Variants in SLC36A1 observed in about 807,000 individuals in gnomAD.
SLC36A1 encodes the protein proton-coupled amino acid transporter 1.
In SLC36A1, 30 loss-of-function variants were observed where a neutral mutation model predicts 47.5. That is an observed-to-expected ratio of 0.63 (90% CI 0.47 to 0.86). The LOEUF (loss-of-function observed/expected upper bound fraction) is 0.86. Ranked by LOEUF, SLC36A1 falls within the 40% of genes least tolerant of loss-of-function variation. The pLI, the probability that SLC36A1 is intolerant of heterozygous loss-of-function variation, is 0.00. For synonymous variants in SLC36A1, 255 were observed against 249.7 expected, an observed-to-expected ratio of 1.02 and a Z score of -0.20; for missense variants, 517 against 606.0, an observed-to-expected ratio of 0.85 and a Z score of 1.54.
intron 1 of SLC36A1, among the ~76,000 whole-genome samples, chr5:151,440,660 C>A (rs1683351419): frequency 6.6e-6 from 1 of 152,134 alleles, no homozygotes; most frequent in Admixed American, 6.5e-5. Flanking sequence ...AGCAGCATAA[C>A]CCCTCATGTT....
chr5:151,400,309 G>A, the SLC36A1 span, among the ~76,000 whole-genome samples: 1 of 152,176 alleles, frequency 6.6e-6, no homozygotes, highest in African/African-American at 2.4e-5. Flanking sequence ...GCCTCCAGCT[G>A]CATCCATGTT....
chr5:151,452,095 C>A (rs531259151), intron 1 of SLC36A1, among the ~76,000 whole-genome samples: 1 of 152,238 alleles, frequency 6.6e-6, no homozygotes, highest in African/African-American at 2.4e-5. Context: ...TAAAAGTGTG[C>A]GTGTTTGCCT....
intron 10 of SLC36A1, chr5:151,480,046 C>G (rs1422307256): frequency 2.1e-6 from 3 of 1,428,142 alleles, no homozygotes; most frequent in Admixed American, 2.2e-5. Context: ...TTCTCTCAAC[C>G]CCATTCCCAG....
At chr5:151,546,471 G>C in the SLC36A1 span, 1 of 621,552 alleles carries the variant, frequency 1.6e-6, no homozygotes, top group Non-Finnish European at 2.8e-6. Flanking sequence ...ACCCACCCTG[G>C]ATATAGTGTA....
At chr5:151,525,287 A>G in the SLC36A1 span, among the ~76,000 whole-genome samples, 1 of 152,182 alleles carries the variant, frequency 6.6e-6, no homozygotes, top group African/African-American at 2.4e-5. Flanking sequence ...GAAACCCATA[A>G]CACCACCACC....
intron 10 of SLC36A1, among the ~76,000 whole-genome samples, chr5:151,484,576 C>T (rs979552881): frequency 3.9e-5 from 6 of 152,194 alleles, no homozygotes; most frequent in Non-Finnish European, 7.3e-5. Flanking sequence ...AGACTTCAGA[C>T]ATCACCCAGT....
intron 1 of SLC36A1, among the ~76,000 whole-genome samples, chr5:151,450,462 G>A (rs1210967452): frequency 6.7e-6 from 1 of 150,198 alleles, no homozygotes; most frequent in African/African-American, 2.5e-5. Context: ...AGTGGATGGA[G>A]CAGATGTCCA....
At chr5:151,438,763 C>T (rs1329603330) in intron 1 of SLC36A1, among the ~76,000 whole-genome samples, 1 of 152,184 alleles carries the variant, frequency 6.6e-6, no homozygotes, top group Non-Finnish European at 1.5e-5. Flanking sequence ...GCACCAGAGA[C>T]CTGGCATTGG....
chr5:151,546,744 G>A, the SLC36A1 span, among the ~76,000 whole-genome samples: 1 of 151,766 alleles, frequency 6.6e-6, no homozygotes, highest in African/African-American at 2.4e-5. Flanking sequence ...TTTAGAGTCA[G>A]GGTCTTTCCT....
Position 151,477,770 on chromosome 5 carries a change from G to C in SLC36A1, c.989+1014G>C, listed in dbSNP as rs536848023. On this transcript the variant is annotated intron_variant, in intron 9 of 10. Transcript: ENST00000243389. ...TTTCCAAATGTTTCTGCCCTTCCAA[G>C]AAGGAAGAGGCAGGTGGTAGCTTGG... Among the ~76,000 whole-genome samples the C allele has an allele frequency of 3.9e-5, 6 of 152,256 alleles. No individual in the cohort carries two copies. In the East Asian group the frequency reaches 1.2e-3, roughly 29 times the overall value.
At chr5:151,512,969 C>A in the SLC36A1 span, among the ~76,000 whole-genome samples, 1 of 152,232 alleles carries the variant, frequency 6.6e-6, no homozygotes, top group East Asian at 1.9e-4. The surrounding 1 kb of genome is among the most constrained non-coding windows in gnomAD (Gnocchi z 4.1). Flanking sequence ...TTTGAAAAAC[C>A]TGTCTCCCAC....
the SLC36A1 span, chr5:151,529,203 G>T: frequency 1.8e-5 from 29 of 1,614,072 alleles, no homozygotes; most frequent in Middle Eastern, 5.0e-4. Context: ...ACCCACAAGG[G>T]CATTCTCTAA....
At chr5:151,473,165 ACT>A (rs1468931439) in intron 7 of SLC36A1, among the ~76,000 whole-genome samples, 2 of 148,638 alleles carry the variant, frequency 1.3e-5, no homozygotes, top group East Asian at 3.9e-4. Flanking sequence ...ACAGAAGGAG[ACT>A]CTGTCTCTAG....
chr5:151,499,765 C>A, the SLC36A1 span, among the ~76,000 whole-genome samples: 4 of 150,604 alleles, frequency 2.7e-5, no homozygotes, highest in African/African-American at 1.0e-4. Context: ...TCCGCCAGCC[C>A]CTGAAGGAAG....
At chr5:151,411,049 T>C in the SLC36A1 span, among the ~76,000 whole-genome samples, 4 of 145,014 alleles carry the variant, frequency 2.8e-5, 1 homozygote, top group Admixed American at 2.1e-4. Context: ...TTCTCACTTG[T>C]AGTTTTACAC....
intron 1 of SLC36A1, among the ~76,000 whole-genome samples, chr5:151,456,546 A>G (rs1171341860): frequency 6.6e-6 from 1 of 152,150 alleles, no homozygotes; most frequent in Admixed American, 6.5e-5. Context: ...AAGATACTTC[A>G]GAGATTTTTT....
chr5:151,547,929 A>G, the SLC36A1 span, among the ~76,000 whole-genome samples: 1 of 152,242 alleles, frequency 6.6e-6, no homozygotes, highest in East Asian at 1.9e-4. Context: ...CGTGTTTTCA[A>G]AAATGAGCAT....
the SLC36A1 span, among the ~76,000 whole-genome samples, chr5:151,353,162 A>G: frequency 3.3e-5 from 5 of 152,344 alleles, no homozygotes; most frequent in South Asian, 8.3e-4. Context: ...ATGAAAACAT[A>G]TATATGTATG....
At chr5:151,525,105 T>C in the SLC36A1 span, among the ~76,000 whole-genome samples, 3 of 152,226 alleles carry the variant, frequency 2.0e-5, no homozygotes, top group Non-Finnish European at 4.4e-5. Context: ...AATAAATACT[T>C]GTCGAGAGAT....
Sources: gnomAD v4.1 joint callset for allele counts (sites outside exome capture counted in the v4.1 genomes callset) on GRCh38, gnomAD v4.1.1 for gene constraint, Gnocchi (gnomAD v3.1) non-coding constraint, MANE v1.5 for transcripts, NCBI Gene and HGNC (gene_info 2026-07-23, HGNC 2026-07-21) for gene names.